Variants in CLEC16A observed in about 807,000 individuals in gnomAD.
CLEC16A encodes C-type lectin domain containing 16A.
A neutral mutation model predicts 109.5 loss-of-function variants in CLEC16A; 51 were observed. The ratio of observed to expected loss-of-function variants is 0.47; its 90% CI spans 0.37 to 0.59. The LOEUF is 0.59. CLEC16A is among the 20% of genes least tolerant of loss of function. CLEC16A has a pLI of 0.00. For missense variants in CLEC16A, 1,339 were observed against 1,394.0 expected, an observed-to-expected ratio of 0.96 and a Z score of 0.63; for synonymous variants, 673 against 564.2, an observed-to-expected ratio of 1.19 and a Z score of -2.73.
intron 11 of CLEC16A, among the ~76,000 whole-genome samples, chr16:11,014,391 A>T (rs1288970147): frequency 1.3e-5 from 2 of 152,242 alleles, no homozygotes; most frequent in African/African-American, 2.4e-5. Context: ...ATTACAAAGA[A>T]TACTACAGTA....
At chr16:11,141,598 C>A (rs1334128958) in intron 22 of CLEC16A, among the ~76,000 whole-genome samples, 2 of 152,228 alleles carry the variant, frequency 1.3e-5, no homozygotes, top group African/African-American at 2.4e-5. Flanking sequence ...AGTGGCTGGA[C>A]CTGACGCATG....
At chr16:11,151,314 GT>G (rs373947319) in intron 22 of CLEC16A, among the ~76,000 whole-genome samples, 185 of 152,178 alleles carry the variant, frequency 1.2e-3, no homozygotes, top group African/African-American at 4.4e-3. Context: ...CAGGCTCTGG[GT>G]GGCACCTTGC....
intron 18 of CLEC16A, among the ~76,000 whole-genome samples, chr16:11,059,027 G>A (rs2048350144): frequency 6.6e-6 from 1 of 152,048 alleles, no homozygotes; most frequent in East Asian, 1.9e-4. Context: ...AAGTTTCCTG[G>A]TGCACTTGGT....
intron 19 of CLEC16A, among the ~76,000 whole-genome samples, chr16:11,093,348 G>C (rs572363155): frequency 2.0e-5 from 3 of 152,166 alleles, no homozygotes; most frequent in African/African-American, 7.2e-5. Context: ...GGCCATACTC[G>C]TCCCAGTGAG....
At chr16:11,145,625 C>G (rs980356451) in intron 22 of CLEC16A, among the ~76,000 whole-genome samples, 1 of 152,246 alleles carries the variant, frequency 6.6e-6, no homozygotes, top group African/African-American at 2.4e-5. Flanking sequence ...GTAGAGCATA[C>G]GTTACCAAGT....
Position 11,178,837 on chromosome 16 carries a change from G to A in CLEC16A, c.*147G>A. ...CACCTATCCCTGCGCTCCCTTGAAT[G>A]GGAAGAAGCCCCACGTTGTCCTTGA... On this transcript the variant is annotated 3_prime_UTR_variant, in exon 24 of 24. Transcript: ENST00000409790. This position sits in a 1 kb window ranked among gnomAD's most constrained non-coding sequence, Gnocchi z 6.5. 2 of 598,664 alleles carry A rather than the reference G, an allele frequency of 3.3e-6. No individual in the cohort carries two copies. Among genetic ancestry groups the A allele is most frequent in the Admixed American group, 3.4e-5 (1 of 29,722 alleles). The allele number at this position is 598,664 out of a possible 1,614,324, so 37.1% of individuals were successfully genotyped here.
chr16:11,126,876 G>A (rs2052863167), intron 22 of CLEC16A: 1 of 152,206 alleles, frequency 6.6e-6, no homozygotes, highest in South Asian at 2.1e-4. Flanking sequence ...CCCATATAGG[G>A]CTTCAAACTT....
Position 10,944,792 on chromosome 16 carries a change from C to T in CLEC16A, c.75C>T (p.His25=). The change falls in exon 1 of 24, where the codon CAC becomes CAT. Residue 25 remains histidine (H), a synonymous_variant. Transcript: ENST00000409790. ...CCCGCAACATCCACTCCTTGGACCACCTCAAGTGAGTGTGGGGGGCGTAGC... is the reference window on the plus strand; with the variant it reads ...CCCGCAACATCCACTCCTTGGACCATCTCAAGTGAGTGTGGGGGGCGTAGC... ...KTSRNIHSLD[H]LKYLYHVLTK... 2 of 1,607,864 alleles carry T rather than the reference C, an allele frequency of 1.2e-6. No individual in the cohort carries two copies. The highest frequency in any genetic ancestry group is 1.7e-6 in the Non-Finnish European group (2 of 1,177,650).
At chr16:11,099,859 C>T (rs2050811333) in intron 19 of CLEC16A, among the ~76,000 whole-genome samples, 1 of 152,184 alleles carries the variant, frequency 6.6e-6, no homozygotes, top group African/African-American at 2.4e-5. Context: ...CCCCTGTTTA[C>T]AGATGGGAAA....
intron 19 of CLEC16A, among the ~76,000 whole-genome samples, chr16:11,100,060 T>C (rs2050825193): frequency 6.6e-6 from 1 of 152,108 alleles, no homozygotes; most frequent in African/African-American, 2.4e-5. Context: ...GACACACTTA[T>C]TTACTATTGG....
At chr16:11,148,572 C>T (rs895305553) in intron 22 of CLEC16A, among the ~76,000 whole-genome samples, 7 of 152,192 alleles carry the variant, frequency 4.6e-5, no homozygotes, top group Non-Finnish European at 8.8e-5. Flanking sequence ...GCTACAATTT[C>T]CATTACACAG....
intron 3 of CLEC16A, among the ~76,000 whole-genome samples, chr16:10,963,073 A>C (rs1315474219): frequency 6.6e-6 from 1 of 152,152 alleles, no homozygotes; most frequent in Non-Finnish European, 1.5e-5. Context: ...CAACAAAAAA[A>C]AAAGTTCAAG....
chr16:11,102,159 TC>T (rs756738290), intron 19 of CLEC16A, among the ~76,000 whole-genome samples: 7 of 152,190 alleles, frequency 4.6e-5, no homozygotes, highest in South Asian at 2.1e-4. Context: ...AGTTTGAGAT[TC>T]TCCATTTTTA....
intron 23 of CLEC16A, among the ~76,000 whole-genome samples, chr16:11,173,535 T>C (rs2068613602): frequency 6.6e-6 from 1 of 152,154 alleles, no homozygotes; most frequent in Admixed American, 6.5e-5. Flanking sequence ...CCCAGTTAGG[T>C]GGCTGAGGGA....
chr16:11,148,706 T>C (rs576081979), intron 22 of CLEC16A, among the ~76,000 whole-genome samples: 1 of 152,286 alleles, frequency 6.6e-6, no homozygotes, highest in African/African-American at 2.4e-5. Context: ...CCCAGGCCAG[T>C]GCTCCATCCC....
At chr16:11,090,256 A>T (rs1335482686) in intron 19 of CLEC16A, among the ~76,000 whole-genome samples, 1 of 152,072 alleles carries the variant, frequency 6.6e-6, no homozygotes, top group African/African-American at 2.4e-5. Context: ...GGGACTCGCT[A>T]TGTTGCCCAG....
chr16:11,053,065 A>G (rs747184881), intron 18 of CLEC16A, among the ~76,000 whole-genome samples: 1 of 151,860 alleles, frequency 6.6e-6, no homozygotes, highest in Non-Finnish European at 1.5e-5. Flanking sequence ...TAATTTTTAG[A>G]TGTTTTATAG....
At chr16:11,020,166 C>A in intron 11 of CLEC16A, 27 bp from the exon 12 acceptor site, 1 of 1,598,458 alleles carries the variant, frequency 6.3e-7, no homozygotes, top group South Asian at 1.1e-5. Flanking sequence ...TGTCTGGACT[C>A]ATCCCAGTCT....
chr16:11,108,982 G>C (rs1176592060), intron 19 of CLEC16A, among the ~76,000 whole-genome samples: 2 of 151,834 alleles, frequency 1.3e-5, no homozygotes, highest in African/African-American at 4.8e-5. Context: ...GTGGTGGCGG[G>C]CGCCTGTAGT....
Sources: gnomAD v4.1 joint callset for allele counts (sites outside exome capture counted in the v4.1 genomes callset) on GRCh38, gnomAD v4.1.1 for gene constraint, Gnocchi (gnomAD v3.1) non-coding constraint, MANE v1.5 for transcripts, NCBI Gene and HGNC (gene_info 2026-07-23, HGNC 2026-07-21) for gene names.